The following GDPD4 variants were observed in gnomAD, a reference collection of about 807,000 sequenced individuals.
The protein encoded by GDPD4 is glycerophosphodiester phosphodiesterase domain containing 4.
In GDPD4, 60 loss-of-function variants were observed where a neutral mutation model predicts 67.8. The observed-to-expected ratio is 0.88, with a 90% CI of 0.72 to 1.10. The LOEUF (loss-of-function observed/expected upper bound fraction) is 1.10, where lower values mean the gene tolerates loss of function less well. Among genes scored for constraint, GDPD4 ranks in the 50% least tolerant of loss-of-function variants. The pLI, the probability that GDPD4 is intolerant of heterozygous loss-of-function variation, is 0.00. For synonymous variants in GDPD4, 212 were observed against 210.9 expected (o/e 1.00, Z -0.04); for missense variants, 623 against 613.9 (o/e 1.01, Z -0.16).
At position 77,255,572 on chromosome 11, in the gene GDPD4, A is replaced by C. The variant is rs558005562; in HGVS notation, c.864+2814T>G. On this transcript the variant is annotated intron_variant, in intron 11 of 16. Coordinates refer to ENST00000315938, the MANE Select transcript of GDPD4 (RefSeq NM_182833.3). ...GTGAAACTCCGTTTCAAAACAAATA[A>C]AAATAAGGCTGGGTGCGGTGGCTCA... Among the ~76,000 whole-genome samples the C allele has an allele frequency of 8.5e-5, 13 of 152,218 alleles. No homozygotes were observed. The South Asian group carries it at 2.5e-3, about 29-fold the overall frequency.
intron 16 of GDPD4, among the ~76,000 whole-genome samples, chr11:77,226,031 G>GA (rs1161176000): frequency 6.6e-6 from 1 of 152,144 alleles, no homozygotes; most frequent in Non-Finnish European, 1.5e-5. Flanking sequence ...GGCAACCTAA[G>GA]AGCTCTTAAA....
At chr11:77,248,051 CA>C (rs34252021) in intron 11 of GDPD4, among the ~76,000 whole-genome samples, 74 of 62,714 alleles carry the variant, frequency 1.2e-3, no homozygotes, top group Middle Eastern at 0.01. Context: ...AACTCCGTCT[CA>C]AAAAAAAAAA....
At chr11:77,227,754 A>AC in intron 16 of GDPD4, 110 bp downstream of exon 16, 1 of 715,620 alleles carries the variant, frequency 1.4e-6, no homozygotes. Flanking sequence ...CCCACCCCCA[A>AC]CTTTCCAGAC....
intron 3 of GDPD4, among the ~76,000 whole-genome samples, chr11:77,283,032 T>C (rs1420092858): frequency 6.6e-6 from 1 of 152,224 alleles, no homozygotes; most frequent in African/African-American, 2.4e-5. Flanking sequence ...GCTGCAACTT[T>C]GCACTAAGAT....
In GDPD4 at chr11:77,216,678, C is replaced by T. The variant is rs1358315415; in HGVS notation, c.*599G>A. The T allele has an allele frequency of 1.9e-6, 1 of 528,068 alleles. No individual in the cohort carries two copies. Among genetic ancestry groups the T allele is most frequent in the Non-Finnish European group, 3.4e-6 (1 of 295,700 alleles). The allele number at this position is 528,068 out of a possible 1,614,324, so 32.7% of individuals were successfully genotyped here. On this transcript the variant is annotated 3_prime_UTR_variant, in exon 17 of 17. Coordinates refer to ENST00000315938, the MANE Select transcript of GDPD4 (RefSeq NM_182833.3). ...TTCCAAGACCACACACAGCAGTTTTCCCCTTGCCTAGCCCCTTGAGATGCA... is the reference window on the plus strand; with the variant it reads ...TTCCAAGACCACACACAGCAGTTTTTCCCTTGCCTAGCCCCTTGAGATGCA...
rs1157964634 is a variant in GDPD4 at position 77,262,850 on chromosome 11, G to T, written c.708-4308C>A. Among the ~76,000 whole-genome samples, 3 of 48,054 alleles carry T rather than the reference G, an allele frequency of 6.2e-5. No individual in the cohort carries two copies. In the Admixed American group the frequency reaches 9.2e-4, roughly 15 times the overall value. 31.5% of individuals were successfully genotyped at this position (48,054 alleles called of 152,430 possible). ...TGACTCTATCACTAAATCTTTCTCT[G>T]CTGCAAAAAAAAAAAAAAAAAAAAA... On this transcript the variant is annotated intron_variant, in intron 10 of 16. Transcript: ENST00000315938.
At chr11:77,245,584 G>T in intron 11 of GDPD4, 82 bp from the exon 12 acceptor site, 1 of 878,952 alleles carries the variant, frequency 1.1e-6, no homozygotes, top group South Asian at 1.6e-5. Flanking sequence ...CTCTACCTCA[G>T]TTGCTCCATT....
chr11:77,244,276 G>A lies in GDPD4; in HGVS notation c.1087-428C>T, dbSNP rs193175244. 6.8e-3 allele frequency among the ~76,000 whole-genome samples: 1,029 copies of A among 152,134 alleles called. 5 individuals are homozygous for A. The highest frequency in any genetic ancestry group is 9.7e-3 in the Non-Finnish European group (659 of 67,984). Reference sequence around the variant, plus strand: ...TCTCGATCTCCTGACCTCATGATCCGCCCGCCTCGGCCTCCCAAGTGCTGG... The same window carrying A: ...TCTCGATCTCCTGACCTCATGATCCACCCGCCTCGGCCTCCCAAGTGCTGG... On this transcript the variant is annotated intron_variant, in intron 12 of 16. Transcript: ENST00000315938.
At chr11:77,244,694 T>C (rs1020786438) in intron 12 of GDPD4, among the ~76,000 whole-genome samples, 18 of 152,068 alleles carry the variant, frequency 1.2e-4, no homozygotes, top group Non-Finnish European at 2.6e-4. Context: ...AAAAAAATCA[T>C]CTTTGAGAGG....
intron 1 of GDPD4, among the ~76,000 whole-genome samples, chr11:77,289,318 G>C (rs1047138555): frequency 6.8e-6 from 1 of 147,290 alleles, no homozygotes; most frequent in Non-Finnish European, 1.5e-5. Context: ...AGCCAAGATC[G>C]CACCACTGCA....
intron 11 of GDPD4, among the ~76,000 whole-genome samples, chr11:77,257,997 G>A (rs765555070): frequency 3.9e-5 from 6 of 152,132 alleles, no homozygotes; most frequent in Non-Finnish European, 5.9e-5. Context: ...CATGTGCCTT[G>A]TACCATTAGG....
intron 16 of GDPD4, among the ~76,000 whole-genome samples, chr11:77,218,311 A>G (rs1958163753): frequency 6.6e-6 from 1 of 151,936 alleles, no homozygotes; most frequent in Admixed American, 6.6e-5. Context: ...ATTAAAGTCT[A>G]TTTTTTCTGA....
At chr11:77,270,702 T>C (rs1257828131) in intron 7 of GDPD4, among the ~76,000 whole-genome samples, 1 of 152,166 alleles carries the variant, frequency 6.6e-6, no homozygotes, top group Non-Finnish European at 1.5e-5. Flanking sequence ...AGCAAGACTC[T>C]GTCTCAAAAA....
intron 10 of GDPD4, among the ~76,000 whole-genome samples, chr11:77,263,275 T>G (rs1959155418): frequency 6.6e-6 from 1 of 152,138 alleles, no homozygotes; most frequent in South Asian, 2.1e-4. Context: ...AAGCAAAAAG[T>G]AATAGCAATG....
At chr11:77,218,494 CTCG>C (rs1423494933) in intron 16 of GDPD4, among the ~76,000 whole-genome samples, 1 of 152,128 alleles carries the variant, frequency 6.6e-6, no homozygotes, top group African/African-American at 2.4e-5. Flanking sequence ...CACCCATCAA[CTCG>C]TCATTTACAT....
At chr11:77,277,845 T>C (rs199553020) in intron 4 of GDPD4, among the ~76,000 whole-genome samples, 233 of 137,628 alleles carry the variant, frequency 1.7e-3, no homozygotes, top group South Asian at 2.7e-3. Flanking sequence ...CAATTTTAGA[T>C]CTTTCCTGCT....
chr11:77,290,908 CA>C (rs1937750271), intron 1 of GDPD4, among the ~76,000 whole-genome samples: 1 of 152,204 alleles, frequency 6.6e-6, no homozygotes, highest in Non-Finnish European at 1.5e-5. Flanking sequence ...GGCACTCTTA[CA>C]CACTGTTGGT....
chr11:77,238,602 AT>A (rs1232876044), intron 13 of GDPD4, among the ~76,000 whole-genome samples: 1 of 143,854 alleles, frequency 7.0e-6, no homozygotes, highest in African/African-American at 2.5e-5. Context: ...AAAAAAAAAA[AT>A]TATGTTATGT....
At chr11:77,276,914 T>G (rs933537398) in intron 4 of GDPD4, among the ~76,000 whole-genome samples, 1 of 151,890 alleles carries the variant, frequency 6.6e-6, no homozygotes, top group Admixed American at 6.6e-5. Context: ...TCATTCTTAT[T>G]TGAAAAAAAA....
Sources: gnomAD v4.1 joint callset for allele counts (sites outside exome capture counted in the v4.1 genomes callset) on GRCh38, gnomAD v4.1.1 for gene constraint, MANE v1.5 for transcripts, NCBI Gene and HGNC (gene_info 2026-07-23, HGNC 2026-07-21) for gene names.